MYBL1: variants seen among roughly 807,000 people sequenced by gnomAD.
The protein encoded by MYBL1 is myb-related protein A.
MYBL1 carries 17 observed loss-of-function variants against 96.3 expected under a neutral mutation model. The ratio of observed to expected loss-of-function variants is 0.18; its 90% CI spans 0.12 to 0.26. MYBL1 has a LOEUF of 0.26. MYBL1 is among the 10% of genes least tolerant of loss of function. The pLI is 1.00. For missense variants in MYBL1, 701 were observed against 882.9 expected (o/e 0.79, Z 2.61); for synonymous variants, 282 against 292.7 (o/e 0.96, Z 0.37).
intron 8 of MYBL1, among the ~76,000 whole-genome samples, chr8:66,591,738 TATTCA>T (rs1809653796): frequency 6.6e-6 from 1 of 152,136 alleles, no homozygotes; most frequent in Admixed American, 6.6e-5. Context: ...CCTCTACATC[TATTCA>T]ATTCTTTATT....
intron 8 of MYBL1, among the ~76,000 whole-genome samples, chr8:66,588,211 T>C (rs753301235): frequency 6.7e-6 from 1 of 149,838 alleles, no homozygotes; most frequent in Non-Finnish European, 1.5e-5. Flanking sequence ...AACACACAAA[T>C]AGGGCGATAA....
chr8:66,566,371 T>G, intron 14 of MYBL1, 128 bp from the exon 15 acceptor site: 1 of 554,828 alleles, frequency 1.8e-6, no homozygotes. Context: ...TCTGATGAAA[T>G]TTCTAGTAAT....
rs924016573 is a variant in MYBL1, at chr8:66,613,031, C to T, written c.-193G>A. ...GGGGCGGACCGCGACCCGACCCCGA[C>T]CCCGGCCCGCAGCGCCGCTCTTAGC... is the stretch of plus-strand genomic sequence containing the variant. On this transcript the variant is annotated 5_prime_UTR_variant, in exon 1 of 16. Transcript: ENST00000522677. 3 of 525,394 alleles carry T rather than the reference C, an allele frequency of 5.7e-6. No individual in the cohort carries two copies. The East Asian group carries it at 1.0e-4, about 18-fold the overall frequency. The allele number at this position is 525,394 out of a possible 1,614,324, so 32.5% of individuals were successfully genotyped here.
intron 8 of MYBL1, among the ~76,000 whole-genome samples, chr8:66,580,986 G>A (rs1205026021): frequency 1.3e-5 from 2 of 151,286 alleles, no homozygotes; most frequent in East Asian, 3.9e-4. Context: ...TCAGCCTCCC[G>A]GGTAGCTGGG....
At chr8:66,566,352 GC>G (rs1808502673) in intron 14 of MYBL1, 109 bp from the exon 15 acceptor site, 1 of 619,008 alleles carries the variant, frequency 1.6e-6, no homozygotes, top group African/African-American at 1.9e-5. Context: ...CTCCAAGAAA[GC>G]ATTTGGCTCT....
chr8:66,593,857 C>T (rs1809747101), intron 6 of MYBL1, among the ~76,000 whole-genome samples: 3 of 152,022 alleles, frequency 2.0e-5, no homozygotes, highest in Admixed American at 6.6e-5. Context: ...AAATCGGGGC[C>T]GGGTACAGTG....
intron 12 of MYBL1, among the ~76,000 whole-genome samples, chr8:66,568,236 T>C (rs539091647): frequency 6.6e-6 from 1 of 152,248 alleles, no homozygotes; most frequent in East Asian, 1.9e-4. Flanking sequence ...ACAGGAATTA[T>C]GTTAGTGTTT....
At chr8:66,610,885 A>G (rs1381621016) in intron 1 of MYBL1, among the ~76,000 whole-genome samples, 1 of 152,172 alleles carries the variant, frequency 6.6e-6, no homozygotes, top group East Asian at 1.9e-4. Context: ...GCTTCACCCC[A>G]CCACATTTAA....
intron 7 of MYBL1, 44 bp from the exon 8 acceptor site, chr8:66,592,588 T>C (rs777833708): frequency 6.1e-6 from 7 of 1,139,060 alleles, no homozygotes; most frequent in Non-Finnish European, 8.8e-6. Flanking sequence ...GCTTATATAA[T>C]TGCTTTATTA....
chr8:66,592,666 T>C (rs1472830436), intron 7 of MYBL1, 122 bp from the exon 8 acceptor site: 1 of 584,910 alleles, frequency 1.7e-6, no homozygotes, highest in Non-Finnish European at 2.9e-6. Flanking sequence ...AGCTTAATGC[T>C]ACTAAATACT....
At chr8:66,582,434 G>T (rs1809250128) in intron 8 of MYBL1, among the ~76,000 whole-genome samples, 1 of 146,226 alleles carries the variant, frequency 6.8e-6, no homozygotes, top group African/African-American at 2.5e-5. Flanking sequence ...ACTATAAAAA[G>T]AAGCTGGGCA....
intron 8 of MYBL1, among the ~76,000 whole-genome samples, chr8:66,584,370 A>G (rs1161245513): frequency 6.6e-6 from 1 of 152,220 alleles, no homozygotes; most frequent in Non-Finnish European, 1.5e-5. Flanking sequence ...AGTCCTAGCC[A>G]AAACAATTAG....
chr8:66,591,428 C>T (rs1413749136), intron 8 of MYBL1, among the ~76,000 whole-genome samples: 1 of 152,032 alleles, frequency 6.6e-6, no homozygotes, highest in African/African-American at 2.4e-5. Context: ...TTTAACCAAT[C>T]TAGCATAACC....
intron 1 of MYBL1, among the ~76,000 whole-genome samples, chr8:66,609,905 T>C (rs771820727): frequency 6.8e-4 from 103 of 152,104 alleles, no homozygotes; most frequent in Non-Finnish European, 1.3e-3. Flanking sequence ...GTTCTCATAT[T>C]TCAGTATAAT....
intron 1 of MYBL1, among the ~76,000 whole-genome samples, chr8:66,607,289 C>T (rs779045520): frequency 6.6e-6 from 1 of 152,074 alleles, no homozygotes; most frequent in Non-Finnish European, 1.5e-5. Context: ...AGAAAGCTAC[C>T]GAATCAGATA....
At position 66,576,052 on chromosome 8, in the gene MYBL1, C is replaced by A; in HGVS notation, c.1425G>T (p.Ala475=). 3.7e-6 allele frequency: 6 copies of A among 1,613,854 alleles called. No homozygotes were observed. The African/African-American group carries it at 4.0e-5, about 11-fold the overall frequency. ...DGSLNDGGNM[A]LKHTPLKTLP... ...GTGTTTTCAGTGGTGTATGTTTTAG[C>A]GCCATATTACCACCATCGTTCAATG... is the stretch of plus-strand genomic sequence containing the variant. Residue 475 remains alanine, a synonymous_variant, in exon 10 of 16, where the codon GCG becomes GCT. Transcript: ENST00000522677.
At chr8:66,574,868 A>C (rs1323671597) in intron 10 of MYBL1, among the ~76,000 whole-genome samples, 1 of 152,202 alleles carries the variant, frequency 6.6e-6, no homozygotes, top group African/African-American at 2.4e-5. Flanking sequence ...CAGCCTGACC[A>C]ACATGGAGAA....
At chr8:66,606,482 G>A (rs956280077) in intron 1 of MYBL1, among the ~76,000 whole-genome samples, 8 of 151,994 alleles carry the variant, frequency 5.3e-5, no homozygotes, top group African/African-American at 1.9e-4. Flanking sequence ...ATAGTTAAGC[G>A]CATGCAAGTA....
Position 66,562,534 on chromosome 8 carries a change from G to A in MYBL1, c.*2163C>T, listed in dbSNP as rs1044585710. 4 of 152,536 alleles carry A rather than the reference G, an allele frequency of 2.6e-5. No individual in the cohort carries two copies. 9.4% of individuals were successfully genotyped at this position (152,536 alleles called of 1,614,324 possible). A position where few individuals can be genotyped will look rare whatever the true frequency, so the allele number is the denominator to read the frequency against. ...CAGTACCAACCCAAATATGTATTAT[G>A]TCCAATAAGCCCAGACTTATCCACA... On this transcript the variant is annotated 3_prime_UTR_variant, in exon 16 of 16. Transcript: ENST00000522677.
Sources: gnomAD v4.1 joint callset for allele counts (sites outside exome capture counted in the v4.1 genomes callset) on GRCh38, gnomAD v4.1.1 for gene constraint, MANE v1.5 for transcripts, NCBI Gene and HGNC (gene_info 2026-07-23, HGNC 2026-07-21) for gene names.